Variants in ZNF385D observed in about 807,000 individuals in gnomAD.
ZNF385D encodes zinc finger protein 385D, also known as zinc finger protein 659.
A neutral mutation model predicts 35.8 loss-of-function variants in ZNF385D; 15 were observed. The observed-to-expected ratio is 0.42, with a 90% CI of 0.28 to 0.64. The LOEUF (loss-of-function observed/expected upper bound fraction) is 0.64. Among genes scored for constraint, ZNF385D ranks in the 30% least tolerant of loss-of-function variants. ZNF385D has a pLI of 0.23. For synonymous variants in ZNF385D, 212 were observed against 186.8 expected (o/e 1.13, Z -1.10); for missense variants, 474 against 494.6 (o/e 0.96, Z 0.39).
rs377217273 is a variant in ZNF385D, at chr3:21,443,170, G to A, written c.440-5967C>T. The A allele has an allele frequency of 1.3e-5, 13 of 985,208 alleles. No individual in the cohort carries two copies. In the South Asian group the frequency reaches 6.1e-4, roughly 46 times the overall value. 61.0% of individuals were successfully genotyped at this position (985,208 alleles called of 1,614,324 possible). On this transcript the variant is annotated intron_variant, in intron 4 of 7. Transcript: ENST00000281523. ...CAAGTGCTCCACTCCACTTTGCAGG[G>A]TACCTGATTTGGGTAGGTCCAGTCA...
chr3:21,858,050 T>C (rs1696829934), intron 3 of ZNF385D, among the ~76,000 whole-genome samples: 1 of 151,344 alleles, frequency 6.6e-6, no homozygotes, highest in Admixed American at 6.6e-5. Flanking sequence ...TAGCTCCAGC[T>C]ACTCGGGAGG....
intron 3 of ZNF385D, among the ~76,000 whole-genome samples, chr3:22,132,888 C>T (rs987799992): frequency 2.6e-5 from 4 of 151,960 alleles, no homozygotes; most frequent in Non-Finnish European, 4.4e-5. Context: ...GAGATTAACC[C>T]AACCAAGTTA....
intron 3 of ZNF385D, among the ~76,000 whole-genome samples, chr3:21,818,755 A>G (rs574557249): frequency 1.3e-5 from 2 of 152,184 alleles, no homozygotes; most frequent in Admixed American, 1.3e-4. Context: ...GTAGGTAATG[A>G]ACATTCATTA....
At chr3:21,749,986 C>T (rs1432237918) in intron 1 of ZNF385D, among the ~76,000 whole-genome samples, 1 of 152,178 alleles carries the variant, frequency 6.6e-6, no homozygotes, top group African/African-American at 2.4e-5. Flanking sequence ...TCTCCAGTTG[C>T]TCTATCAAAC....
At chr3:21,889,163 G>A (rs1401764413) in intron 3 of ZNF385D, among the ~76,000 whole-genome samples, 1 of 152,224 alleles carries the variant, frequency 6.6e-6, no homozygotes, top group Non-Finnish European at 1.5e-5. Context: ...AGCTGAGGCT[G>A]CTTGTAGTAC....
In ZNF385D at chr3:21,867,219, A is replaced by G. The variant is rs190071165; in HGVS notation, c.326-202191T>C. 9.9e-5 allele frequency among the ~76,000 whole-genome samples: 15 copies of G among 152,250 alleles called. No individual in the cohort carries two copies. In the East Asian group the frequency reaches 2.7e-3, roughly 28 times the overall value. On this transcript the variant is annotated intron_variant, in intron 3 of 5. Transcript: ENST00000494108. Reference sequence around the variant, plus strand: ...CACAATCCCTTTTATAGTGGCATTAATCCATTATTGAGGTCAAGAAGCCTC... The same window carrying G: ...CACAATCCCTTTTATAGTGGCATTAGTCCATTATTGAGGTCAAGAAGCCTC...
At chr3:21,467,420 G>A (rs895872546) in intron 4 of ZNF385D, among the ~76,000 whole-genome samples, 1 of 152,132 alleles carries the variant, frequency 6.6e-6, no homozygotes, top group Non-Finnish European at 1.5e-5. Context: ...CATTATTACT[G>A]ATGCATGCAG....
At chr3:21,673,420 C>T (rs1330537783) in intron 1 of ZNF385D, among the ~76,000 whole-genome samples, 1 of 152,070 alleles carries the variant, frequency 6.6e-6, no homozygotes, top group Non-Finnish European at 1.5e-5. Context: ...TCTCAAGCAG[C>T]AAATAATTTA....
In ZNF385D at chr3:22,137,171, C is replaced by T. The variant is rs138478400; in HGVS notation, c.325+31646G>A. ...GTTTTTTACTAATTTTTCTGTAAAC[C>T]TCAACTACTTAAGAATAGTTCATTA... On this transcript the variant is annotated intron_variant, in intron 3 of 5. Coordinates refer to the ZNF385D transcript ENST00000494108. Among the ~76,000 whole-genome samples the T allele has an allele frequency of 6.6e-5, 10 of 152,192 alleles. 1 individual carries two copies. The highest frequency in any genetic ancestry group is 3.9e-4 in the East Asian group (2 of 5,178).
At chr3:21,443,545 A>T (rs1701973214) in intron 4 of ZNF385D, among the ~76,000 whole-genome samples, 1 of 152,102 alleles carries the variant, frequency 6.6e-6, no homozygotes, top group African/African-American at 2.4e-5. Flanking sequence ...GGGAACAATG[A>T]ATTCACTCTC....
chr3:22,109,857 G>A (rs1702418397), intron 3 of ZNF385D, among the ~76,000 whole-genome samples: 1 of 152,090 alleles, frequency 6.6e-6, no homozygotes, highest in Non-Finnish European at 1.5e-5. Context: ...CAGAATGGGA[G>A]AAAAATTTTT....
chr3:22,016,691 C>T (rs1261749079), intron 3 of ZNF385D, among the ~76,000 whole-genome samples: 5 of 151,904 alleles, frequency 3.3e-5, no homozygotes, highest in African/African-American at 9.7e-5. Flanking sequence ...AGAGTAGCCC[C>T]GGAGAGTCAT....
At chr3:21,602,512 A>ATTTTTTTTTTTTTTTTTT (rs199882061) in intron 2 of ZNF385D, among the ~76,000 whole-genome samples, 3 of 90,202 alleles carry the variant, frequency 3.3e-5, no homozygotes, top group Non-Finnish European at 6.0e-5. Flanking sequence ...GTTTCCCTGC[A>ATTTTTTTTTTTTTTTTTT]TTTTCTTTTT....
In ZNF385D at chr3:21,660,784, T is replaced by A. The variant is rs192144775; in HGVS notation, c.165+4102A>T. ...TAACAAACCTAAGAGTCTGGGCTTTTAAATTGTTTGTTTAGTTATTTTATT... is the reference window on the plus strand; with the variant it reads ...TAACAAACCTAAGAGTCTGGGCTTTAAAATTGTTTGTTTAGTTATTTTATT... On this transcript the variant is annotated intron_variant, in intron 2 of 7. Coordinates refer to ENST00000281523, the MANE Select transcript of ZNF385D (RefSeq NM_024697.3). Among the ~76,000 whole-genome samples, 709 of 152,320 alleles carry A rather than the reference T, an allele frequency of 4.7e-3. 5 individuals carry two copies. Among genetic ancestry groups the A allele is most frequent in the Non-Finnish European group, 7.4e-3 (506 of 68,024 alleles).
intron 3 of ZNF385D, among the ~76,000 whole-genome samples, chr3:22,129,361 G>A (rs528145322): frequency 7.2e-5 from 11 of 152,270 alleles, no homozygotes; most frequent in African/African-American, 2.4e-4. Context: ...AAGGCCCAAG[G>A]CCTCTGTCAG....
chr3:21,783,926 AC>A (rs797005182), intron 3 of ZNF385D, among the ~76,000 whole-genome samples: 4 of 152,300 alleles, frequency 2.6e-5, no homozygotes, highest in African/African-American at 9.6e-5. Context: ...GACTAAAAAT[AC>A]AGTATGTAAG....
intron 2 of ZNF385D, among the ~76,000 whole-genome samples, chr3:22,346,252 G>C (rs909690270): frequency 2.0e-5 from 3 of 150,896 alleles, no homozygotes; most frequent in Non-Finnish European, 4.4e-5. Flanking sequence ...AGGAATAGAC[G>C]TTTTTCCTCA....
chr3:21,767,048 A>T (rs1241463089), intron 3 of ZNF385D, among the ~76,000 whole-genome samples: 7 of 152,026 alleles, frequency 4.6e-5, no homozygotes, highest in African/African-American at 1.7e-4. Context: ...GTGGTTAAAT[A>T]ATGTGCGTAC....
chr3:22,190,278 A>G (rs890100971), intron 2 of ZNF385D, among the ~76,000 whole-genome samples: 1 of 152,180 alleles, frequency 6.6e-6, no homozygotes, highest in East Asian at 1.9e-4. Context: ...ATGATATGGT[A>G]TATCCTCTGG....
Sources: allele counts gnomAD v4.1 joint callset (sites outside exome capture counted in the v4.1 genomes callset), GRCh38; gene constraint gnomAD v4.1.1; transcripts MANE v1.5; gene names NCBI Gene and HGNC (gene_info 2026-07-23, HGNC 2026-07-21).